The following LRMDA variants were observed in gnomAD, a reference collection of about 807,000 sequenced individuals.
LRMDA encodes the protein leucine-rich melanocyte differentiation-associated protein.
Under a neutral mutation model 29.8 loss-of-function variants are expected in LRMDA, and 18 were observed. The ratio of observed to expected loss-of-function variants is 0.60; its 90% confidence interval spans 0.42 to 0.90. LRMDA has a LOEUF of 0.90. LRMDA is among the 40% of genes least tolerant of loss of function. The pLI is 0.00. For synonymous variants in LRMDA, 125 were observed against 109.4 expected, an observed-to-expected ratio of 1.14 and a Z score of -0.89; for missense variants, 273 against 273.9, an observed-to-expected ratio of 1.00 and a Z score of 0.02.
intron 5 of LRMDA, among the ~76,000 whole-genome samples, chr10:76,212,125 A>T (rs907432372): frequency 3.9e-5 from 6 of 152,120 alleles, no homozygotes; most frequent in African/African-American, 1.4e-4. Context: ...TTAACCTACA[A>T]ATGTTGACTA....
At chr10:75,866,072 T>C (rs1336224639) in intron 2 of LRMDA, among the ~76,000 whole-genome samples, 1 of 152,240 alleles carries the variant, frequency 6.6e-6, no homozygotes, top group Non-Finnish European at 1.5e-5. Flanking sequence ...AGAGATTTTA[T>C]TTCTTCTCTT....
chr10:75,715,091 C>G (rs556534167), intron 2 of LRMDA, among the ~76,000 whole-genome samples: 178 of 152,242 alleles, frequency 1.2e-3, no homozygotes, highest in Non-Finnish European at 1.9e-3. Context: ...AGAGGCTGGT[C>G]TCCAAGTGCA....
At position 76,147,357 on chromosome 10, in the gene LRMDA, C is replaced by T. The variant is rs1850345862; in HGVS notation, c.516+88574C>T. The stretch of plus-strand genomic sequence containing the variant: ...TAGATTTGGTCTTTTCACATAGTCC[C>T]ATATTTCTTGGAGGCTTTGTTCATT... On this transcript the variant is annotated intron_variant, in intron 5 of 6. Transcript: ENST00000611255. 2.0e-5 allele frequency among the ~76,000 whole-genome samples: 3 copies of T among 152,192 alleles called. No individual in the cohort carries two copies. In the East Asian group the frequency reaches 5.8e-4, roughly 29 times the overall value.
intron 2 of LRMDA, among the ~76,000 whole-genome samples, chr10:76,028,028 G>A (rs1229599193): frequency 1.3e-5 from 2 of 152,046 alleles, no homozygotes; most frequent in African/African-American, 2.4e-5. Context: ...GATATTTACT[G>A]AATAAATTAT....
intron 6 of LRMDA, among the ~76,000 whole-genome samples, chr10:76,468,910 A>G (rs1378440975): frequency 1.3e-5 from 2 of 152,178 alleles, no homozygotes; most frequent in Non-Finnish European, 2.9e-5. Context: ...AGAGGGAAAG[A>G]GAGGGAGAGG....
intron 2 of LRMDA, among the ~76,000 whole-genome samples, chr10:75,691,163 T>C (rs1842149244): frequency 1.6e-5 from 2 of 127,844 alleles, no homozygotes; most frequent in Non-Finnish European, 1.6e-5. Context: ...TACATAGATA[T>C]ATAGATCTAT....
intron 6 of LRMDA, among the ~76,000 whole-genome samples, chr10:76,342,252 T>A (rs115795361): frequency 6.6e-6 from 1 of 152,224 alleles, no homozygotes; most frequent in African/African-American, 2.4e-5. Context: ...ATAACATATA[T>A]GGTTAAGAAT....
chr10:75,719,634 A>C (rs1163223279), intron 2 of LRMDA, among the ~76,000 whole-genome samples: 1 of 152,196 alleles, frequency 6.6e-6, no homozygotes, highest in Non-Finnish European at 1.5e-5. Flanking sequence ...TCTTTCTGAA[A>C]ACCTGTTTCT....
intron 2 of LRMDA, among the ~76,000 whole-genome samples, chr10:75,822,396 A>C (rs978607113): frequency 4.6e-5 from 7 of 152,208 alleles, no homozygotes; most frequent in Admixed American, 1.3e-4. Context: ...TGCCCAAAGC[A>C]ATCTATAGAT....
chr10:76,488,433 GTT>G (rs1177313179), intron 6 of LRMDA, among the ~76,000 whole-genome samples: 1 of 151,086 alleles, frequency 6.6e-6, no homozygotes, highest in Non-Finnish European at 1.5e-5. Flanking sequence ...AATATGTACT[GTT>G]TTTTCTGGCT....
At chr10:76,249,626 T>C (rs1013446732) in intron 5 of LRMDA, among the ~76,000 whole-genome samples, 1 of 152,220 alleles carries the variant, frequency 6.6e-6, no homozygotes, top group African/African-American at 2.4e-5. Context: ...TCTGACAAGT[T>C]TTAAAGAAAC....
chr10:76,203,156 G>T (rs1247575906), intron 5 of LRMDA, among the ~76,000 whole-genome samples: 1 of 152,170 alleles, frequency 6.6e-6, no homozygotes, highest in Non-Finnish European at 1.5e-5. Flanking sequence ...GAAAGTGACT[G>T]GACATTTTGG....
rs116768246 is a variant in LRMDA, at chr10:76,468,947, G to A, written c.602-88262G>A. Among the ~76,000 whole-genome samples the A allele has an allele frequency of 9.1e-3, 1,386 of 152,282 alleles. 18 individuals carry two copies. The highest frequency in any genetic ancestry group is 0.032 in the African/African-American group (1,330 of 41,564). On this transcript the variant is annotated intron_variant, in intron 6 of 6. Coordinates refer to ENST00000611255, the MANE Select transcript of LRMDA (RefSeq NM_001305581.2). ...AAAGATCCATTTCTAGAAAGGCAAA[G>A]TGCGAGGAGCTCTGTGACCTGCTCC...
chr10:76,189,835 C>A (rs1241990455), intron 5 of LRMDA, among the ~76,000 whole-genome samples: 1 of 152,182 alleles, frequency 6.6e-6, no homozygotes, highest in African/African-American at 2.4e-5. Flanking sequence ...CTTGTCTAGT[C>A]TCCTGTCCTT....
At chr10:76,425,224 G>T (rs777569310) in intron 6 of LRMDA, among the ~76,000 whole-genome samples, 40 of 152,096 alleles carry the variant, frequency 2.6e-4, no homozygotes, top group Non-Finnish European at 3.8e-4. Context: ...CAGAAAAAAA[G>T]GTCTAGATCT....
intron 5 of LRMDA, among the ~76,000 whole-genome samples, chr10:76,222,523 C>T (rs1851863266): frequency 6.6e-6 from 1 of 152,198 alleles, no homozygotes. Flanking sequence ...TGAAAAAATG[C>T]TCACCATCAC....
At chr10:76,181,367 G>A (rs763141396) in intron 5 of LRMDA, among the ~76,000 whole-genome samples, 17 of 152,128 alleles carry the variant, frequency 1.1e-4, no homozygotes, top group South Asian at 4.1e-4. Context: ...TTGACTCATC[G>A]TCAGTACTTC....
chr10:75,680,808 G>A (rs1842014072), intron 2 of LRMDA, among the ~76,000 whole-genome samples: 1 of 152,156 alleles, frequency 6.6e-6, no homozygotes, highest in African/African-American at 2.4e-5. Flanking sequence ...CCAGGAGTCT[G>A]AGACCAGCCT....
chr10:76,009,652 G>T (rs941947993), intron 2 of LRMDA, among the ~76,000 whole-genome samples: 1 of 152,152 alleles, frequency 6.6e-6, no homozygotes, highest in East Asian at 1.9e-4. Flanking sequence ...CCTCCCAGTG[G>T]TCTGAGGGCC....
Sources: allele counts gnomAD v4.1 joint callset (sites outside exome capture counted in the v4.1 genomes callset), GRCh38; gene constraint gnomAD v4.1.1; transcripts MANE v1.5; gene names NCBI Gene and HGNC (gene_info 2026-07-23, HGNC 2026-07-21).